The following MGST1 variants were observed in gnomAD, a reference collection of about 807,000 sequenced individuals.
MGST1 encodes the protein microsomal glutathione S-transferase 1, also known as glutathione S-transferase 12.
MGST1 carries 5 observed loss-of-function variants against 8.9 expected under a neutral mutation model. That is an observed-to-expected ratio of 0.56 (90% CI 0.29 to 1.19). The LOEUF (loss-of-function observed/expected upper bound fraction) is 1.19. Ranked by LOEUF, MGST1 falls within the 50% of genes most tolerant of loss-of-function variation. MGST1 has a pLI of 0.08. For synonymous variants in MGST1, 54 were observed against 67.8 expected (o/e 0.80, Z 1.00); for missense variants, 182 against 187.4 (o/e 0.97, Z 0.17).
chr12:16,367,364 G>GA (rs1940209875), downstream of MGST1: 1 of 152,198 alleles, frequency 6.6e-6, no homozygotes, highest in Non-Finnish European at 1.5e-5. Context: ...AGATTCAGAA[G>GA]AACCTACATG....
downstream of MGST1, among the ~76,000 whole-genome samples, chr12:16,590,756 C>A (rs1398303272): frequency 1.3e-5 from 2 of 151,958 alleles, no homozygotes; most frequent in African/African-American, 4.8e-5. Context: ...TATAGATATT[C>A]CATTTGCCAT....
rs1217706226 is a variant in MGST1, at chr12:16,585,542, T to C, written n.483-3986T>C. Among the ~76,000 whole-genome samples the C allele has an allele frequency of 1.3e-5, 2 of 152,214 alleles. No individual in the cohort carries two copies. Among genetic ancestry groups the C allele is most frequent in the Non-Finnish European group, 2.9e-5 (2 of 68,036 alleles). On this transcript the variant is annotated intron_variant and non_coding_transcript_variant, in intron 4 of 4. Transcript: ENST00000538857. This position sits in a 1 kb window ranked among gnomAD's most constrained non-coding sequence, Gnocchi z 4.7. ...GATTAGAAAACTAATTTCATCACAA[T>C]CTCCCCTTTCCTAAATTCCTCTCAC...
chr12:16,415,359 A>G (rs1940778876), intron 1 of MGST1, among the ~76,000 whole-genome samples: 1 of 146,100 alleles, frequency 6.8e-6, no homozygotes, highest in African/African-American at 2.6e-5. Flanking sequence ...TCTGATTTCC[A>G]TGGCCATGAA....
At chr12:16,491,013 T>C (rs923908352) in intron 4 of MGST1, among the ~76,000 whole-genome samples, 6 of 152,198 alleles carry the variant, frequency 3.9e-5, no homozygotes, top group Non-Finnish European at 8.8e-5. Flanking sequence ...TCTTACTCTT[T>C]ACTCATTGGG....
At chr12:16,451,802 A>G (rs994160160) in intron 4 of MGST1, among the ~76,000 whole-genome samples, 3 of 151,936 alleles carry the variant, frequency 2.0e-5, no homozygotes, top group African/African-American at 4.8e-5. Flanking sequence ...CCATGTTAAC[A>G]TATTTCAATA....
In MGST1 at chr12:16,585,165, A is replaced by G. The variant is rs1943278708; in HGVS notation, n.483-4363A>G. ...TGGCGCATGCAAGCCCCAGTTCACA[A>G]CGTTATTTTTCCTTCCAGACTCCGG... On this transcript the variant is annotated intron_variant and non_coding_transcript_variant, in intron 4 of 4. Transcript: ENST00000538857. The surrounding 1 kb of genome is among the most constrained non-coding windows in gnomAD (Gnocchi z 4.7). Among the ~76,000 whole-genome samples, 1 of 152,158 alleles carries G rather than the reference A, an allele frequency of 6.6e-6. No individual in the cohort carries two copies. The highest frequency in any genetic ancestry group is 6.6e-5 in the Admixed American group (1 of 15,258).
upstream of MGST1, chr12:16,382,784 C>T (rs1387703852): frequency 6.5e-6 from 1 of 152,678 alleles, no homozygotes. Context: ...GTGGTGGGCT[C>T]CACCCAGTTC....
intron 4 of MGST1, among the ~76,000 whole-genome samples, chr12:16,450,342 G>T (rs1941118838): frequency 6.6e-6 from 1 of 151,824 alleles, no homozygotes; most frequent in East Asian, 1.9e-4. Flanking sequence ...AAAGCATGGT[G>T]GTTCATTTCT....
intron 4 of MGST1, among the ~76,000 whole-genome samples, chr12:16,562,068 A>G (rs1054695320): frequency 3.9e-5 from 6 of 152,308 alleles, no homozygotes; most frequent in African/African-American, 1.4e-4. Context: ...TTTGATAAAT[A>G]ATATTTATTT....
chr12:16,402,369 A>G, intron 1 of MGST1: 4 of 1,603,964 alleles, frequency 2.5e-6, no homozygotes, highest in East Asian at 2.2e-5. Context: ...CAATTGCTGT[A>G]CAGTCTCTTC....
At chr12:16,572,515 T>TG (rs760978307) in intron 4 of MGST1, among the ~76,000 whole-genome samples, 29 of 150,132 alleles carry the variant, frequency 1.9e-4, no homozygotes, top group Non-Finnish European at 3.4e-4. Context: ...GAAGCTGCTA[T>TG]GCCAAAGTGC....
chr12:16,588,747 A>C (rs1943401282), intron 4 of MGST1, among the ~76,000 whole-genome samples: 1 of 152,108 alleles, frequency 6.6e-6, no homozygotes, highest in Admixed American at 6.6e-5. Flanking sequence ...TGCACACGAA[A>C]AGTTGGTAAA....
chr12:16,502,218 C>A (rs1484407451), intron 4 of MGST1, among the ~76,000 whole-genome samples: 1 of 152,068 alleles, frequency 6.6e-6, no homozygotes, highest in African/African-American at 2.4e-5. Flanking sequence ...TCTGCCAGGA[C>A]AAAAAATAAA....
intron 4 of MGST1, among the ~76,000 whole-genome samples, chr12:16,524,687 T>G (rs1941671066): frequency 6.6e-6 from 1 of 152,084 alleles, no homozygotes; most frequent in African/African-American, 2.4e-5. Context: ...TCAAAGGTAC[T>G]TTAACTCCAA....
intron 4 of MGST1, among the ~76,000 whole-genome samples, chr12:16,472,324 A>G (rs1253300209): frequency 6.6e-6 from 1 of 152,104 alleles, no homozygotes; most frequent in East Asian, 1.9e-4. Flanking sequence ...TGGTGTGATC[A>G]TTTTTTGGGA....
chr12:16,492,422 C>T (rs978934590), intron 4 of MGST1, among the ~76,000 whole-genome samples: 1 of 152,118 alleles, frequency 6.6e-6, no homozygotes, highest in African/African-American at 2.4e-5. Context: ...TGTGTTACAG[C>T]CAATTGCCGT....
chr12:16,400,538 G>A (rs554705747), intron 1 of MGST1: 27 of 862,996 alleles, frequency 3.1e-5, no homozygotes, highest in Non-Finnish European at 4.6e-5. Flanking sequence ...GTTTTATAAC[G>A]TTTCTGTACT....
intron 4 of MGST1, among the ~76,000 whole-genome samples, chr12:16,467,214 T>C (rs1460382523): frequency 6.6e-6 from 1 of 152,174 alleles, no homozygotes; most frequent in Non-Finnish European, 1.5e-5. Flanking sequence ...AAAGATGGTG[T>C]TTTCTGGTCT....
chr12:16,586,539 GATTCAGGCCAACTGA>G lies in MGST1; in HGVS notation n.483-2984_483-2970del, dbSNP rs1325039185. On this transcript the variant is annotated intron_variant and non_coding_transcript_variant, in intron 4 of 4. Coordinates refer to the MGST1 transcript ENST00000538857. This position sits in a 1 kb window ranked among gnomAD's most constrained non-coding sequence, Gnocchi z 4.3. ...AAAAATCTGTTGTATAATATTGTCAGATTCAGGCCAACTGAATTCTGGAGGACATATGCAAAGACA... is the reference window on the plus strand; with the variant it reads ...AAAAATCTGTTGTATAATATTGTCAGATTCTGGAGGACATATGCAAAGACA... Among the ~76,000 whole-genome samples, 1 of 152,158 alleles carries G rather than the reference GATTCAGGCCAACTGA, an allele frequency of 6.6e-6. No individual in the cohort carries two copies. Among genetic ancestry groups the G allele is most frequent in the African/African-American group, 2.4e-5 (1 of 41,436 alleles).
Sources: gnomAD v4.1 joint callset for allele counts (sites outside exome capture counted in the v4.1 genomes callset) on GRCh38, gnomAD v4.1.1 for gene constraint, Gnocchi (gnomAD v3.1) non-coding constraint, MANE v1.5 for transcripts, NCBI Gene and HGNC (gene_info 2026-07-23, HGNC 2026-07-21) for gene names.